Variants in ANO10 observed in about 807,000 individuals in gnomAD.
The protein encoded by ANO10 is anoctamin 10.
Under a neutral mutation model 74.7 loss-of-function variants are expected in ANO10, and 77 were observed. The ratio of observed to expected loss-of-function variants is 1.03; its 90% CI spans 0.86 to 1.25. ANO10 has a LOEUF of 1.25. ANO10 is among the 50% of genes most tolerant of loss of function. The pLI, the probability that ANO10 is intolerant of heterozygous loss-of-function variation, is 0.00. For missense variants in ANO10, 721 were observed against 778.1 expected, an observed-to-expected ratio of 0.93 and a Z score of 0.87; for synonymous variants, 279 against 284.9, an observed-to-expected ratio of 0.98 and a Z score of 0.21.
rs201340219 is a variant in ANO10, at chr3:43,580,457, G to T, written c.488C>A (p.Thr163Lys). Residue 163 changes from threonine (T) to lysine (K), a missense_variant, in exon 5 of 13, where the codon ACG (threonine) becomes AAG (lysine). Coordinates refer to ENST00000292246, the MANE Select transcript of ANO10 (RefSeq NM_018075.5). ...PGKSLLRRLL[T>K]SGIVIQVFPL... Reference sequence around the variant, plus strand: ...AAACACCTGAATCACGATGCCAGACGTGAGCAATCTTCTCACTGCACAGGG... The same window carrying T: ...AAACACCTGAATCACGATGCCAGACTTGAGCAATCTTCTCACTGCACAGGG... 1 of 1,613,770 alleles carries T rather than the reference G, an allele frequency of 6.2e-7. No individual in the cohort carries two copies. The highest frequency in any genetic ancestry group is 8.5e-7 in the Non-Finnish European group (1 of 1,179,954).
At chr3:43,642,170 A>G (rs1230209663) in intron 1 of ANO10, among the ~76,000 whole-genome samples, 2 of 152,230 alleles carry the variant, frequency 1.3e-5, no homozygotes, top group Non-Finnish European at 2.9e-5. Context: ...CACTTTTAAA[A>G]GGTTATTTAA....
intron 1 of ANO10, among the ~76,000 whole-genome samples, chr3:43,661,452 T>G (rs997207352): frequency 6.6e-6 from 1 of 152,174 alleles, no homozygotes; most frequent in Non-Finnish European, 1.5e-5. Flanking sequence ...TGCAAAAACA[T>G]GCCAAATTGT....
chr3:43,416,934 G>A (rs529782547), intron 12 of ANO10, among the ~76,000 whole-genome samples: 70 of 152,210 alleles, frequency 4.6e-4, no homozygotes. Context: ...ACTTATTTAT[G>A]CCAACAAAAA....
At chr3:43,477,798 T>C (rs895702566) in intron 11 of ANO10, among the ~76,000 whole-genome samples, 10 of 152,084 alleles carry the variant, frequency 6.6e-5, no homozygotes, top group African/African-American at 2.4e-4. Context: ...AATCTTAACA[T>C]AGAAGGTGCC....
chr3:43,638,836 C>A (rs994003787), intron 1 of ANO10: 1 of 152,208 alleles, frequency 6.6e-6, no homozygotes, highest in African/African-American at 2.4e-5. Flanking sequence ...GCCTAAAAAC[C>A]ACAGAGTCAT....
intron 11 of ANO10, among the ~76,000 whole-genome samples, chr3:43,531,032 A>G (rs1458246874): frequency 1.3e-5 from 2 of 152,222 alleles, no homozygotes; most frequent in African/African-American, 4.8e-5. Flanking sequence ...TTATGTATGT[A>G]AAAGGCCAAA....
In ANO10 at chr3:43,605,797, AC is replaced by A; in HGVS notation, c.55del (p.Val19TrpfsTer3). ...DTSESSFTPL[V>X]VIELAQDVKE... Reference sequence around the variant, plus strand: ...GACATCCTGAGCAAGTTCTATGACCACCAAAGGTGTGAAAGAACTCTCAGAA... The same window carrying A: ...GACATCCTGAGCAAGTTCTATGACCACAAAGGTGTGAAAGAACTCTCAGAA... On this transcript the variant is annotated frameshift_variant, in exon 2 of 13. Coordinates refer to ENST00000292246, the MANE Select transcript of ANO10 (RefSeq NM_018075.5). LOFTEE classifies it high-confidence loss of function. 1 of 1,613,746 alleles carries A rather than the reference AC, an allele frequency of 6.2e-7. No individual in the cohort carries two copies. The highest frequency in any genetic ancestry group is 8.5e-7 in the Non-Finnish European group (1 of 1,179,744).
At chr3:43,644,213 A>C (rs1220588888) in intron 1 of ANO10, among the ~76,000 whole-genome samples, 4 of 152,146 alleles carry the variant, frequency 2.6e-5, no homozygotes, top group Admixed American at 2.6e-4. Flanking sequence ...TCTCTGGTCC[A>C]TTTGGGATTT....
chr3:43,662,090 C>A (rs979022733), intron 1 of ANO10, among the ~76,000 whole-genome samples: 1 of 152,200 alleles, frequency 6.6e-6, no homozygotes, highest in Admixed American at 6.6e-5. Context: ...CATCCCAAAA[C>A]AACAGAATAT....
intron 11 of ANO10, among the ~76,000 whole-genome samples, chr3:43,530,420 T>C (rs998492198): frequency 2.7e-5 from 4 of 149,042 alleles, no homozygotes; most frequent in African/African-American, 9.8e-5. Context: ...ATATAAAACA[T>C]ATAGCCTATA....
chr3:43,549,668 T>G (rs1393276775), intron 11 of ANO10, 52 bp downstream of exon 11: 2 of 1,603,738 alleles, frequency 1.2e-6, no homozygotes, highest in Admixed American at 3.3e-5. Flanking sequence ...TGCTTTGGAA[T>G]AGAGAAACGT....
chr3:43,649,601 GAGTT>G (rs1241968891), intron 1 of ANO10, among the ~76,000 whole-genome samples: 9 of 152,190 alleles, frequency 5.9e-5, no homozygotes, highest in African/African-American at 2.2e-4. Context: ...GGAGGTGTAA[GAGTT>G]AGAGATCACA....
intron 11 of ANO10, among the ~76,000 whole-genome samples, chr3:43,459,561 G>C (rs1210375193): frequency 6.6e-6 from 1 of 152,170 alleles, no homozygotes; most frequent in East Asian, 1.9e-4. Flanking sequence ...ACATGGCCAA[G>C]AGGTGACATG....
At chr3:43,401,810 C>T (rs924480739) in intron 12 of ANO10, among the ~76,000 whole-genome samples, 2 of 152,168 alleles carry the variant, frequency 1.3e-5, no homozygotes, top group Non-Finnish European at 2.9e-5. Flanking sequence ...TTGGAGCATC[C>T]AAAAGCCATC....
intron 1 of ANO10, among the ~76,000 whole-genome samples, chr3:43,636,794 T>C (rs2083615239): frequency 6.6e-6 from 1 of 152,234 alleles, no homozygotes; most frequent in Admixed American, 6.5e-5. Flanking sequence ...TAAACCTGAA[T>C]TGATATTTCT....
chr3:43,519,718 G>T (rs1407254404), intron 11 of ANO10, among the ~76,000 whole-genome samples: 1 of 152,132 alleles, frequency 6.6e-6, no homozygotes, highest in African/African-American at 2.4e-5. Context: ...GATCAGGAGA[G>T]ATCATCATGG....
intron 11 of ANO10, among the ~76,000 whole-genome samples, chr3:43,464,138 T>C (rs1461915396): frequency 6.6e-6 from 1 of 152,154 alleles, no homozygotes. Flanking sequence ...CCAATGTATG[T>C]TTTTATCAGC....
intron 12 of ANO10, among the ~76,000 whole-genome samples, chr3:43,401,094 T>C (rs2092472929): frequency 6.6e-6 from 1 of 152,244 alleles, no homozygotes; most frequent in African/African-American, 2.4e-5. Flanking sequence ...AAAAGCTATA[T>C]TGAGAGACTT....
intron 11 of ANO10, among the ~76,000 whole-genome samples, chr3:43,516,058 A>G (rs2077698823): frequency 6.6e-6 from 1 of 152,100 alleles, no homozygotes; most frequent in Non-Finnish European, 1.5e-5. Context: ...TACATTAGCA[A>G]CACCCCAATT....
Sources: allele counts gnomAD v4.1 joint callset (sites outside exome capture counted in the v4.1 genomes callset), GRCh38; gene constraint gnomAD v4.1.1; transcripts MANE v1.5; gene names NCBI Gene and HGNC (gene_info 2026-07-23, HGNC 2026-07-21).